Variants in NCOR1 observed in about 807,000 individuals in gnomAD.
The protein encoded by NCOR1 is nuclear receptor corepressor 1, also known as protein phosphatase 1, regulatory subunit 109.
In NCOR1, 63 loss-of-function variants were observed where a neutral mutation model predicts 288.1. That is an observed-to-expected ratio of 0.22 (90% CI 0.18 to 0.27). The LOEUF (loss-of-function observed/expected upper bound fraction) is 0.27, where lower values mean the gene tolerates loss of function less well. NCOR1 is among the 10% of genes least tolerant of loss of function. NCOR1 has a pLI of 1.00. For missense variants in NCOR1, 2,397 were observed against 3,019.2 expected, an observed-to-expected ratio of 0.79 and a Z score of 4.83; for synonymous variants, 1,007 against 1,065.9, an observed-to-expected ratio of 0.94 and a Z score of 1.08.
chr17:16,214,846 G>A (rs2092415900), intron 1 of NCOR1, among the ~76,000 whole-genome samples: 1 of 152,210 alleles, frequency 6.6e-6, no homozygotes, highest in African/African-American at 2.4e-5. Flanking sequence ...ATCTCCACCA[G>A]TACCCAGCCT....
At chr17:16,129,470 CCT>C (rs561868395) in intron 14 of NCOR1, among the ~76,000 whole-genome samples, 450 of 152,330 alleles carry the variant, frequency 3.0e-3, no homozygotes, top group Non-Finnish European at 5.7e-3. Flanking sequence ...ACTGCCAGTT[CCT>C]CTTTCTTCTG....
At position 16,072,156 on chromosome 17, in the gene NCOR1, G is replaced by A. The variant is rs1403383158; in HGVS notation, c.3884C>T (p.Ser1295Phe). ...AGCAGAAAGTTTACCCTGCATTATG[G>A]AGCCAGACAATACAGTCCTTTCTTT... is the stretch of plus-strand genomic sequence containing the variant. Reference protein sequence around the residue: ...DLKERTVLSGSIMQGTPRATT... With the variant: ...DLKERTVLSGFIMQGTPRATT... The change falls in exon 29 of 46, where the codon TCC becomes TTC. Residue 1295 changes from serine (S) to phenylalanine (F), a missense_variant. Physicochemically the swap from Ser to Phe is radical, Grantham distance 155 (BLOSUM62 -2). Around this residue, in one of 11 missense-constraint regions of NCOR1, gnomAD observed 1,872 missense variants for 2,187.8 expected, o/e 0.86. Coordinates refer to ENST00000268712, the MANE Select transcript of NCOR1 (RefSeq NM_006311.4). The A allele has an allele frequency of 6.2e-7, 1 of 1,609,928 alleles. No individual in the cohort carries two copies. Among genetic ancestry groups the A allele is most frequent in the East Asian group, 2.2e-5 (1 of 44,738 alleles).
Position 16,153,328 on chromosome 17 carries a change from A to C in NCOR1, c.789+11T>G. 6.4e-7 allele frequency: 1 copy of C among 1,561,600 alleles called. No individual in the cohort carries two copies. The highest frequency in any genetic ancestry group is 8.7e-7 in the Non-Finnish European group (1 of 1,152,448). Reference sequence around the variant, plus strand: ...AAAAAAAAATCACTGGAAATGAAAAAATTTACTTACCAGTTCAACTTTTGG... The same window carrying C: ...AAAAAAAAATCACTGGAAATGAAAACATTTACTTACCAGTTCAACTTTTGG... On this transcript the variant is annotated intron_variant, in intron 7 of 45. Coordinates refer to ENST00000268712, the MANE Select transcript of NCOR1 (RefSeq NM_006311.4).
chr17:16,185,282 CTT>C (rs1037926160), intron 3 of NCOR1, among the ~76,000 whole-genome samples: 3 of 152,040 alleles, frequency 2.0e-5, no homozygotes, highest in African/African-American at 7.2e-5. Context: ...AAATAAATAA[CTT>C]TGTGAGATGA....
At chr17:16,154,062 T>C (rs1882199279) in intron 6 of NCOR1, among the ~76,000 whole-genome samples, 1 of 148,428 alleles carries the variant, frequency 6.7e-6, no homozygotes, top group South Asian at 2.2e-4. Flanking sequence ...GGTCTCACTC[T>C]GTCGCCCAGG....
At chr17:16,204,983 G>A (rs1287551743) in intron 1 of NCOR1, among the ~76,000 whole-genome samples, 1 of 152,206 alleles carries the variant, frequency 6.6e-6, no homozygotes, top group African/African-American at 2.4e-5. Flanking sequence ...CGCTTTGGGA[G>A]GCCCAGGCGG....
chr17:16,158,828 G>A lies in NCOR1; in HGVS notation c.664C>T (p.Pro222Ser). Residue 222 changes from proline (P) to serine (S), a missense_variant, in exon 6 of 46, where the codon CCC becomes TCC. Pro to Ser is a moderately conservative substitution (Grantham distance 74). This residue lies in a region of NCOR1 where 76 missense variants were observed against 102.2 expected (regional missense o/e 0.74). Transcript: ENST00000268712. ...TGCTCCACAGGAGGAGGGGACACGG[G>A]CTTCTCAGGCTCAGGAGGTTTAGCT... ...EAAKPPEPEK[P>S]VSPPPVEQKH... The A allele has an allele frequency of 6.2e-7, 1 of 1,614,116 alleles. No homozygotes were observed. The highest frequency in any genetic ancestry group is 8.5e-7 in the Non-Finnish European group (1 of 1,180,000).
At chr17:16,168,509 G>A (rs2082480828) in intron 4 of NCOR1, among the ~76,000 whole-genome samples, 1 of 151,788 alleles carries the variant, frequency 6.6e-6, no homozygotes, top group Non-Finnish European at 1.5e-5. Flanking sequence ...CCAAGAAGTG[G>A]GTACCTTTAT....
In NCOR1 at chr17:16,127,434, T is replaced by C. The variant is rs1011661109; in HGVS notation, c.1510-1228A>G. 8.3e-5 allele frequency among the ~76,000 whole-genome samples: 12 copies of C among 143,768 alleles called. 3 individuals are homozygous for C. Among genetic ancestry groups the C allele is most frequent in the Non-Finnish European group, 1.7e-4 (11 of 65,630 alleles). The allele number at this position is 143,768 out of a possible 152,430, so 94.3% of individuals were successfully genotyped here. A position where few individuals can be genotyped will look rare whatever the true frequency, so the allele number is the denominator to read the frequency against. Reference sequence around the variant, plus strand: ...ATGTATATATACATGTGTATATGTGTATGTATATATGTGTATATGTATATA... The same window carrying C: ...ATGTATATATACATGTGTATATGTGCATGTATATATGTGTATATGTATATA... On this transcript the variant is annotated intron_variant, in intron 14 of 45. Coordinates refer to ENST00000268712, the MANE Select transcript of NCOR1 (RefSeq NM_006311.4).
chr17:16,159,453 A>C (rs1328236762), intron 5 of NCOR1, among the ~76,000 whole-genome samples: 3 of 151,754 alleles, frequency 2.0e-5, no homozygotes, highest in African/African-American at 7.3e-5. Context: ...ATTCTGACAA[A>C]CTTAAAGCAA....
intron 14 of NCOR1, among the ~76,000 whole-genome samples, chr17:16,131,278 A>G (rs1160561020): frequency 6.6e-6 from 1 of 152,074 alleles, no homozygotes; most frequent in Non-Finnish European, 1.5e-5. Context: ...CTCCTCCCTC[A>G]GCCTCCCAAA....
chr17:16,043,520 C>T (rs1450910311), intron 42 of NCOR1, among the ~76,000 whole-genome samples: 1 of 152,184 alleles, frequency 6.6e-6, no homozygotes, highest in East Asian at 1.9e-4. Context: ...GAATAGAGAC[C>T]ATGTGGCATA....
chr17:16,126,873 A>AC (rs1354605544), intron 14 of NCOR1, among the ~76,000 whole-genome samples: 1 of 152,196 alleles, frequency 6.6e-6, no homozygotes, highest in Non-Finnish European at 1.5e-5. Flanking sequence ...AATGAATGCT[A>AC]CTACAGTAGC....
chr17:16,104,013 A>G (rs1158404597), intron 19 of NCOR1, among the ~76,000 whole-genome samples: 2 of 152,042 alleles, frequency 1.3e-5, no homozygotes, highest in Non-Finnish European at 2.9e-5. Context: ...CACCCCCCCA[A>G]AAAAGCCTTC....
Position 16,215,521 on chromosome 17 carries a change from C to T in NCOR1, c.-230G>A. 2.5e-6 allele frequency: 1 copy of T among 399,022 alleles called. No homozygotes were observed. Among genetic ancestry groups the T allele is most frequent in the Non-Finnish European group, 4.4e-6 (1 of 226,492 alleles). The allele number at this position is 399,022 out of a possible 1,614,324, so 24.7% of individuals were successfully genotyped here. A position where few individuals can be genotyped will look rare whatever the true frequency, so the allele number is the denominator to read the frequency against. On this transcript the variant is annotated 5_prime_UTR_variant, in exon 1 of 46. Coordinates refer to ENST00000268712, the MANE Select transcript of NCOR1 (RefSeq NM_006311.4). ...GCGGCTGCTGCTTCGCCACCTTGGC[C>T]GCCATCTTGACTCAACCCCTCTCCC...
chr17:16,067,118 G>A (rs2061216570), intron 32 of NCOR1, among the ~76,000 whole-genome samples: 1 of 152,182 alleles, frequency 6.6e-6, no homozygotes, highest in African/African-American at 2.4e-5. Flanking sequence ...CGATGTGACT[G>A]CTCCTCTCCC....
chr17:16,062,377 AAAGAAAAAC>A (rs1219827656), intron 35 of NCOR1, 107 bp from the exon 36 acceptor site: 87 of 1,111,934 alleles, frequency 7.8e-5, no homozygotes, highest in Middle Eastern at 2.9e-4. Context: ...TAAATAGAAA[AAAGAAAAAC>A]AAGATAAGAA....
In NCOR1 at chr17:16,086,376, C is replaced by T. The variant is rs1199892166; in HGVS notation, c.3083G>A (p.Arg1028Gln). ...GAGAGGGGGCGGTGGCCTGGTTGGT[C>T]GAGTTGTCGGAAGCCGAACGCCTTC... Reference protein sequence around the residue: ...LPEGVRLPTTRPTRPPPPLIP... With the variant: ...LPEGVRLPTTQPTRPPPPLIP... The change falls in exon 23 of 46, where the codon CGA becomes CAA. Residue 1028 changes from arginine to glutamine, a missense_variant. This residue lies in a region of NCOR1 where 1,872 missense variants were observed against 2,187.8 expected (regional missense o/e 0.86). Coordinates refer to ENST00000268712, the MANE Select transcript of NCOR1 (RefSeq NM_006311.4). 2 of 1,613,988 alleles carry T rather than the reference C, an allele frequency of 1.2e-6. No individual in the cohort carries two copies. Among genetic ancestry groups the T allele is most frequent in the Non-Finnish European group, 8.5e-7 (1 of 1,179,970 alleles).
intron 1 of NCOR1, chr17:16,198,383 T>C (rs1026675793): frequency 6.9e-6 from 1 of 145,082 alleles, no homozygotes; most frequent in African/African-American, 2.6e-5. Context: ...AAAAAACATC[T>C]TGGCAATTAT....
Sources: gnomAD v4.1 joint callset for allele counts (sites outside exome capture counted in the v4.1 genomes callset) on GRCh38, gnomAD v4.1.1 for gene constraint, gnomAD v4.1.1 regional missense constraint, MANE v1.5 for transcripts, NCBI Gene and HGNC (gene_info 2026-07-23, HGNC 2026-07-21) for gene names.